Variants in ERN1 observed in about 807,000 individuals in gnomAD.
ERN1 encodes the protein serine/threonine-protein kinase/endoribonuclease IRE1.
Under a neutral mutation model 113.1 loss-of-function variants are expected in ERN1, and 39 were observed. The observed-to-expected ratio is 0.34, with a 90% confidence interval of 0.27 to 0.45. The LOEUF (loss-of-function observed/expected upper bound fraction) is 0.45. Ranked by LOEUF, ERN1 falls within the 20% of genes least tolerant of loss-of-function variation. The pLI is 1.00. For synonymous variants in ERN1, 507 were observed against 515.9 expected, an observed-to-expected ratio of 0.98 and a Z score of 0.23; for missense variants, 976 against 1,274.8, an observed-to-expected ratio of 0.77 and a Z score of 3.57.
At chr17:64,080,972 G>A (rs1000996588) in intron 2 of ERN1, among the ~76,000 whole-genome samples, 164 bp from the exon 3 acceptor site, 3 of 152,170 alleles carry the variant, frequency 2.0e-5, no homozygotes, top group African/African-American at 4.8e-5. Flanking sequence ...TTGTATCACC[G>A]TGCATATCTT....
intron 1 of ERN1, among the ~76,000 whole-genome samples, chr17:64,100,863 G>A (rs1416811320): frequency 6.6e-6 from 1 of 152,138 alleles, no homozygotes. Flanking sequence ...CATGGAAAAA[G>A]CTGAATGAGA....
intron 6 of ERN1, among the ~76,000 whole-genome samples, chr17:64,070,074 G>A (rs1312988432): frequency 6.6e-6 from 1 of 152,206 alleles, no homozygotes; most frequent in East Asian, 1.9e-4. Flanking sequence ...TGCAGTGGAA[G>A]GAAGGTTCTG....
At chr17:64,080,446 G>C (rs9898796) in intron 3 of ERN1, 3,322 of 273,838 alleles carry the variant, frequency 0.012, 113 homozygotes, top group African/African-American at 0.069. Context: ...GTAGTAGCAG[G>C]TCACATTCAC....
intron 8 of ERN1, 95 bp downstream of exon 8, chr17:64,066,576 T>A: frequency 1.4e-6 from 2 of 1,459,050 alleles, no homozygotes; most frequent in Non-Finnish European, 1.9e-6. Flanking sequence ...GAGACTGCCC[T>A]GTCTTTGGCC....
intron 17 of ERN1, among the ~76,000 whole-genome samples, chr17:64,051,559 T>C (rs1402674305): frequency 6.6e-6 from 1 of 152,168 alleles, no homozygotes; most frequent in Non-Finnish European, 1.5e-5. Context: ...ATACAAGGAA[T>C]ACAGAGAAAT....
intron 8 of ERN1, among the ~76,000 whole-genome samples, chr17:64,066,358 C>T (rs1231912236): frequency 6.6e-6 from 1 of 152,032 alleles, no homozygotes; most frequent in Non-Finnish European, 1.5e-5. Flanking sequence ...CCAGGTTGGC[C>T]TCAAACTCCT....
At position 64,044,483 on chromosome 17, in the gene ERN1, G is replaced by A. The variant is rs975649887; in HGVS notation, c.2722-283C>T. ...CTGGAGACACTCCTGGCCACCTCAG[G>A]AGGAGTAAAGTCGCCTGAGATTGGA... On this transcript the variant is annotated intron_variant, in intron 21 of 21. Transcript: ENST00000433197. This position sits in a 1 kb window ranked among gnomAD's most constrained non-coding sequence, Gnocchi z 4.1. Among the ~76,000 whole-genome samples, 3 of 152,220 alleles carry A rather than the reference G, an allele frequency of 2.0e-5. No homozygotes were observed. Among genetic ancestry groups the A allele is most frequent in the African/African-American group, 7.2e-5 (3 of 41,454 alleles).
In ERN1 at chr17:64,049,270, G is replaced by A. The variant is rs745394955; in HGVS notation, c.2254-68C>T. The A allele has an allele frequency of 2.8e-6, 4 of 1,428,050 alleles. No homozygotes were observed. Among genetic ancestry groups the A allele is most frequent in the Non-Finnish European group, 9.5e-7 (1 of 1,056,060 alleles). The allele number at this position is 1,428,050 out of a possible 1,614,324, so 88.5% of individuals were successfully genotyped here. On this transcript the variant is annotated intron_variant, in intron 17 of 21. Coordinates refer to ENST00000433197, the MANE Select transcript of ERN1 (RefSeq NM_001433.5). The surrounding 1 kb of genome is among the most constrained non-coding windows in gnomAD (Gnocchi z 4.7). ...TTCATCCTCACTCACAGTCAGGGAG[G>A]GAGGAGCATTGCTGCTGCTTCTGCC... is the stretch of plus-strand genomic sequence containing the variant.
At chr17:64,111,897 C>G (rs1243643830) in intron 1 of ERN1, among the ~76,000 whole-genome samples, 3 of 152,130 alleles carry the variant, frequency 2.0e-5, no homozygotes, top group Admixed American at 2.0e-4. Flanking sequence ...CCAAAGAAAT[C>G]ATCAGGAAGT....
chr17:64,071,036 G>T (rs1252827286), intron 6 of ERN1, among the ~76,000 whole-genome samples: 1 of 152,198 alleles, frequency 6.6e-6, no homozygotes, highest in Non-Finnish European at 1.5e-5. Flanking sequence ...TAGGCACATT[G>T]AATTTATAAA....
chr17:64,076,693 G>A (rs1350383534), intron 4 of ERN1, among the ~76,000 whole-genome samples: 4 of 151,792 alleles, frequency 2.6e-5, no homozygotes, highest in Non-Finnish European at 5.9e-5. Context: ...TCCGCCTCCC[G>A]GGTTGATGCC....
chr17:64,073,524 C>T (rs955997214), intron 5 of ERN1, among the ~76,000 whole-genome samples: 1 of 151,488 alleles, frequency 6.6e-6, no homozygotes, highest in South Asian at 2.1e-4. Context: ...CGGAGTCTCG[C>T]TCTGTCGCCC....
In ERN1 at chr17:64,045,527, T is replaced by C. The variant is rs117431067; in HGVS notation, c.2530-45A>G. On this transcript the variant is annotated intron_variant, in intron 19 of 21. Coordinates refer to ENST00000433197, the MANE Select transcript of ERN1 (RefSeq NM_001433.5). The stretch of plus-strand genomic sequence containing the variant: ...AGCAGATGATGGTCAGTGCTGGAGA[T>C]GCTGAGAGCTGTGCGACTGGGACTC... 2.8e-3 allele frequency: 4,509 copies of C among 1,612,728 alleles called. 16 individuals carry two copies. The highest frequency in any genetic ancestry group is 3.4e-3 in the Non-Finnish European group (4,038 of 1,179,102).
chr17:64,101,731 A>G (rs1914389736), intron 1 of ERN1, among the ~76,000 whole-genome samples: 1 of 152,210 alleles, frequency 6.6e-6, no homozygotes, highest in African/African-American at 2.4e-5. Context: ...TCTCCCAATA[A>G]GAATGTATGC....
intron 17 of ERN1, among the ~76,000 whole-genome samples, chr17:64,050,146 G>A (rs196925): frequency 0.96 from 146,130 of 152,210 alleles, 70,449 homozygotes; most frequent in East Asian, 1. Flanking sequence ...AACCAGGATG[G>A]GACTCAGGTC....
In ERN1 at chr17:64,044,238, G is replaced by A; in HGVS notation, c.2722-38C>T. On this transcript the variant is annotated intron_variant, in intron 21 of 21. Transcript: ENST00000433197. The surrounding 1 kb of genome is among the most constrained non-coding windows in gnomAD (Gnocchi z 4.1). ...AGAAAGCTCGGGAGATTAGAAAGGG[G>A]TTAGAAAGCTCGGGAAATGTTGGCA... The A allele has an allele frequency of 7.1e-7, 1 of 1,401,656 alleles. No individual in the cohort carries two copies. The highest frequency in any genetic ancestry group is 9.5e-7 in the Non-Finnish European group (1 of 1,050,526). The allele number at this position is 1,401,656 out of a possible 1,614,324, so 86.8% of individuals were successfully genotyped here.
chr17:64,049,009 A>AG lies in ERN1; in HGVS notation c.2401+45dup. On this transcript the variant is annotated intron_variant, in intron 18 of 21. Coordinates refer to ENST00000433197, the MANE Select transcript of ERN1 (RefSeq NM_001433.5). This position sits in a 1 kb window ranked among gnomAD's most constrained non-coding sequence, Gnocchi z 4.7. ...CAGCCCAGCTCTGCAGGGCCACCTG[A>AG]GGCAGCTGAGGAGCTGCTCCCAACC... 3.3e-6 allele frequency: 5 copies of AG among 1,498,884 alleles called. No homozygotes were observed. Among genetic ancestry groups the AG allele is most frequent in the Non-Finnish European group, 4.5e-6 (5 of 1,113,694 alleles). 92.8% of individuals were successfully genotyped at this position (1,498,884 alleles called of 1,614,324 possible).
intron 1 of ERN1, among the ~76,000 whole-genome samples, chr17:64,118,766 T>C (rs1472517101): frequency 6.6e-6 from 1 of 152,184 alleles, no homozygotes; most frequent in African/African-American, 2.4e-5. Context: ...GTTGGGCTTG[T>C]CAGCTCGGCA....
intron 15 of ERN1, 46 bp from the exon 16 acceptor site, chr17:64,053,417 C>A: frequency 7.3e-7 from 1 of 1,366,216 alleles, no homozygotes; most frequent in South Asian, 1.6e-5. Context: ...GTCCTCAGGA[C>A]TTGGCCCCTC....
Sources: allele counts gnomAD v4.1 joint callset (sites outside exome capture counted in the v4.1 genomes callset), GRCh38; gene constraint gnomAD v4.1.1; non-coding constraint Gnocchi (gnomAD v3.1); transcripts MANE v1.5; gene names NCBI Gene and HGNC (gene_info 2026-07-23, HGNC 2026-07-21).